Variants in ASCC1 observed in about 807,000 individuals in gnomAD.
ASCC1 encodes activating signal cointegrator 1 complex subunit 1, also known as ASC-1 complex subunit P50.
ASCC1 carries 35 observed loss-of-function variants against 46.6 expected under a neutral mutation model. The observed-to-expected ratio is 0.75, with a 90% CI of 0.57 to 0.99. The LOEUF is 0.99. ASCC1 is among the 50% of genes least tolerant of loss of function. The pLI is 0.00. For missense variants in ASCC1, 376 were observed against 428.7 expected (o/e 0.88, Z 1.09); for synonymous variants, 143 against 146.6 (o/e 0.98, Z 0.18).
chr10:72,147,186 CA>C (rs1374430694), intron 7 of ASCC1, among the ~76,000 whole-genome samples: 6 of 151,618 alleles, frequency 4.0e-5, no homozygotes, highest in African/African-American at 1.5e-4. Flanking sequence ...TAGAGCAGTA[CA>C]AGAGGTGAGA....
upstream of ASCC1, chr10:72,216,340 G>A (rs1402392384): frequency 6.0e-6 from 1 of 165,832 alleles, no homozygotes; most frequent in Non-Finnish European, 1.3e-5. Context: ...CCTGCGCAGT[G>A]GGACAGCGCC....
intron 9 of ASCC1, among the ~76,000 whole-genome samples, chr10:72,125,202 ACTTT>A (rs923329928): frequency 2.0e-5 from 3 of 152,126 alleles, no homozygotes; most frequent in African/African-American, 7.2e-5. Flanking sequence ...ATGAGCAATG[ACTTT>A]CTTTCTTGTT....
chr10:72,199,106 C>T (rs1020723130), intron 4 of ASCC1, among the ~76,000 whole-genome samples: 5 of 151,544 alleles, frequency 3.3e-5, no homozygotes, highest in African/African-American at 7.3e-5. Flanking sequence ...TGAGCCACCA[C>T]ACCCAGCTAA....
At chr10:72,205,674 G>A (rs57369385) in intron 3 of ASCC1, among the ~76,000 whole-genome samples, 11,778 of 151,354 alleles carry the variant, frequency 0.078, 1,215 homozygotes, top group African/African-American at 0.23. Flanking sequence ...GCGGGCGCCT[G>A]TAATCCCAGC....
At chr10:72,148,235 G>A (rs1847874890) in intron 7 of ASCC1, among the ~76,000 whole-genome samples, 1 of 152,068 alleles carries the variant, frequency 6.6e-6, no homozygotes, top group African/African-American at 2.4e-5. Flanking sequence ...CTGGCAGTAT[G>A]TATAAAACAC....
intron 7 of ASCC1, among the ~76,000 whole-genome samples, chr10:72,151,694 A>AATTT (rs1848353516): frequency 6.6e-6 from 1 of 151,846 alleles, no homozygotes; most frequent in Admixed American, 6.6e-5. Flanking sequence ...AATCTTTTTA[A>AATTT]ATTTTTTTTT....
intron 5 of ASCC1, among the ~76,000 whole-genome samples, chr10:72,173,828 G>A (rs1851538466): frequency 6.6e-6 from 1 of 152,190 alleles, no homozygotes; most frequent in Non-Finnish European, 1.5e-5. Context: ...CTTTACTGCA[G>A]GGGTTTAATT....
chr10:72,134,992 A>G (rs1436233226), intron 7 of ASCC1, among the ~76,000 whole-genome samples: 1 of 152,218 alleles, frequency 6.6e-6, no homozygotes, highest in Non-Finnish European at 1.5e-5. Flanking sequence ...GGAAGTGCAC[A>G]TAACTCTGTC....
chr10:72,135,335 G>C (rs886892137), intron 7 of ASCC1, among the ~76,000 whole-genome samples: 1 of 152,184 alleles, frequency 6.6e-6, no homozygotes, highest in Non-Finnish European at 1.5e-5. Flanking sequence ...ACGGCAGAGA[G>C]GGAGTAGAGT....
intron 7 of ASCC1, among the ~76,000 whole-genome samples, chr10:72,140,390 C>T (rs1219727239): frequency 1.3e-5 from 2 of 151,870 alleles, no homozygotes; most frequent in African/African-American, 4.8e-5. Context: ...TGATGTCATA[C>T]TGGAAGATCT....
chr10:72,120,773 T>A (rs1017922350), intron 9 of ASCC1, among the ~76,000 whole-genome samples: 1 of 151,888 alleles, frequency 6.6e-6, no homozygotes, highest in Non-Finnish European at 1.5e-5. Flanking sequence ...GAGAGTGGAG[T>A]GAAATACTGT....
Position 72,125,761 on chromosome 10 carries a change from G to A in ASCC1, c.957+2321C>T, listed in dbSNP as rs542326709. On this transcript the variant is annotated intron_variant, in intron 9 of 9. Transcript: ENST00000672957. Reference sequence around the variant, plus strand: ...TATTAAATACTATACTAAAGGATACGTCATCATAACTATCTGTGGTCAAAG... The same window carrying A: ...TATTAAATACTATACTAAAGGATACATCATCATAACTATCTGTGGTCAAAG... Among the ~76,000 whole-genome samples, 8 of 152,252 alleles carry A rather than the reference G, an allele frequency of 5.3e-5. 1 individual carries two copies. In the South Asian group the frequency reaches 1.2e-3, roughly 24 times the overall value.
At chr10:72,183,192 C>T (rs1212601428) in intron 5 of ASCC1, among the ~76,000 whole-genome samples, 2 of 151,844 alleles carry the variant, frequency 1.3e-5, no homozygotes, top group African/African-American at 2.4e-5. Flanking sequence ...TACGGGCACC[C>T]GCCACCATAC....
intron 9 of ASCC1, among the ~76,000 whole-genome samples, chr10:72,126,989 G>A (rs950397362): frequency 6.6e-6 from 1 of 152,232 alleles, no homozygotes; most frequent in African/African-American, 2.4e-5. Flanking sequence ...ATGGTAAGCA[G>A]TCACAGCTGC....
chr10:72,200,286 T>C (rs1158070064), intron 4 of ASCC1, among the ~76,000 whole-genome samples: 1 of 152,182 alleles, frequency 6.6e-6, no homozygotes, highest in Non-Finnish European at 1.5e-5. Context: ...TATAAGAGAC[T>C]TCCATGTATA....
At chr10:72,112,559 G>A (rs954460421) in intron 9 of ASCC1, among the ~76,000 whole-genome samples, 1 of 151,730 alleles carries the variant, frequency 6.6e-6, no homozygotes, top group Non-Finnish European at 1.5e-5. Context: ...GGTTAAAATA[G>A]CCAATCTTAT....
chr10:72,164,842 C>T (rs1850144549), intron 5 of ASCC1, among the ~76,000 whole-genome samples: 1 of 152,178 alleles, frequency 6.6e-6, no homozygotes, highest in African/African-American at 2.4e-5. Flanking sequence ...AGTGGTATTA[C>T]ATTGTGGTTT....
intron 4 of ASCC1, among the ~76,000 whole-genome samples, chr10:72,199,251 G>T (rs1219583707): frequency 1.4e-5 from 2 of 147,888 alleles, no homozygotes; most frequent in East Asian, 4.0e-4. Flanking sequence ...AGCCTCCCAA[G>T]TAGCTGGGAA....
At chr10:72,142,555 C>T (rs1280573618) in intron 7 of ASCC1, among the ~76,000 whole-genome samples, 6 of 151,832 alleles carry the variant, frequency 4.0e-5, no homozygotes, top group African/African-American at 1.2e-4. Context: ...TTCGTAGAGA[C>T]GGGGTTTCAC....
Sources: allele counts gnomAD v4.1 joint callset (sites outside exome capture counted in the v4.1 genomes callset), GRCh38; gene constraint gnomAD v4.1.1; transcripts MANE v1.5; gene names NCBI Gene and HGNC (gene_info 2026-07-23, HGNC 2026-07-21).